Variants in NDC80 observed in about 807,000 individuals in gnomAD.
The protein encoded by NDC80 is kinetochore protein NDC80 homolog.
A neutral mutation model predicts 89.3 loss-of-function variants in NDC80; 69 were observed. The observed-to-expected ratio is 0.77, with a 90% CI of 0.64 to 0.94. NDC80 has a LOEUF of 0.94. Among genes scored for constraint, NDC80 ranks in the 40% least tolerant of loss-of-function variants. NDC80 has a pLI of 0.00. For synonymous variants in NDC80, 243 were observed against 255.6 expected, an observed-to-expected ratio of 0.95 and a Z score of 0.47; for missense variants, 593 against 739.6, an observed-to-expected ratio of 0.80 and a Z score of 2.30.
At chr18:2,582,062 G>A (rs1351538219) in intron 6 of NDC80, 1 of 67,516 alleles carries the variant, frequency 1.5e-5, no homozygotes, top group Non-Finnish European at 3.2e-5. Flanking sequence ...TTTTTTGTTT[G>A]TTTGTTTGTT....
chr18:2,590,452 A>C (rs556665003), intron 10 of NDC80, among the ~76,000 whole-genome samples: 4 of 152,302 alleles, frequency 2.6e-5, no homozygotes, highest in South Asian at 4.1e-4. Flanking sequence ...TGCCTCTTGC[A>C]GCTTTTAGTG....
chr18:2,601,072 C>T (rs1307788997), intron 12 of NDC80, among the ~76,000 whole-genome samples: 1 of 152,034 alleles, frequency 6.6e-6, no homozygotes, highest in Non-Finnish European at 1.5e-5. Flanking sequence ...ATACAACCTA[C>T]ATATGAATTG....
chr18:2,594,865 G>A (rs1341028311), intron 10 of NDC80: 3 of 152,158 alleles, frequency 2.0e-5, no homozygotes, highest in East Asian at 3.8e-4. Context: ...AGGGATCCTC[G>A]ATATTACAAA....
rs773351560 is a variant in NDC80 at position 2,590,005 on chromosome 18, T to C, written c.871-13T>C. 1 of 1,523,262 alleles carries C rather than the reference T, an allele frequency of 6.6e-7. No individual in the cohort carries two copies. The highest frequency in any genetic ancestry group is 8.8e-7 in the Non-Finnish European group (1 of 1,133,946). The allele number at this position is 1,523,262 out of a possible 1,614,324, so 94.4% of individuals were successfully genotyped here. On this transcript the variant is annotated splice_polypyrimidine_tract_variant and intron_variant, in intron 9 of 16. Transcript: ENST00000261597. ...ATTAAGAATAACTAAAGTTATATTC[T>C]TTTCTCTTAAAGAATCGTCTAGAGT...
At chr18:2,614,966 GGGTGAAGCAGCCGCA>G in intron 16 of NDC80, 1 of 152,376 alleles carries the variant, frequency 6.6e-6, no homozygotes, top group South Asian at 2.1e-4. Context: ...GCGGATGCTG[GGGTGAAGCAGCCGCA>G]TGCTAAGGAA....
chr18:2,588,291 G>A (rs73378229), intron 8 of NDC80, among the ~76,000 whole-genome samples: 2,738 of 152,124 alleles, frequency 0.018, 56 homozygotes, highest in South Asian at 0.044. Context: ...ATATCCCTAC[G>A]TTGTCCTTGC....
At chr18:2,598,887 TA>T in intron 11 of NDC80, 131 bp from the exon 12 acceptor site, 1 of 864,972 alleles carries the variant, frequency 1.2e-6, no homozygotes, top group Non-Finnish European at 1.7e-6. Context: ...CTCTTACTGC[TA>T]AAGATTACTG....
chr18:2,574,025 T>C (rs548867835), intron 2 of NDC80, among the ~76,000 whole-genome samples: 1 of 152,310 alleles, frequency 6.6e-6, no homozygotes, highest in African/African-American at 2.4e-5. Flanking sequence ...GCAAAAGACT[T>C]AAATCTGCAT....
chr18:2,595,644 T>C, intron 11 of NDC80, 23 bp downstream of exon 11: 1 of 1,603,392 alleles, frequency 6.2e-7, no homozygotes. Context: ...ATTTCCAGAG[T>C]GGCAACTCAT....
intron 13 of NDC80, among the ~76,000 whole-genome samples, chr18:2,601,945 T>C (rs905844042): frequency 2.6e-5 from 4 of 152,152 alleles, no homozygotes; most frequent in African/African-American, 9.6e-5. Flanking sequence ...CAAAAGTGAA[T>C]TTCAGGTAGT....
intron 5 of NDC80, 25 bp from the exon 6 acceptor site, chr18:2,578,902 C>A: frequency 1.5e-6 from 2 of 1,292,084 alleles, no homozygotes; most frequent in Non-Finnish European, 1.0e-6. Flanking sequence ...ATTAAATTAG[C>A]TTATGTTTTT....
chr18:2,575,171 A>G (rs2072540029), intron 3 of NDC80, 105 bp downstream of exon 3: 1 of 820,900 alleles, frequency 1.2e-6, no homozygotes, highest in African/African-American at 1.7e-5. Flanking sequence ...TCGAGAGAAA[A>G]GTTATAATCT....
chr18:2,578,194 C>T (rs1833174854), intron 5 of NDC80, 53 bp downstream of exon 5: 2 of 1,481,954 alleles, frequency 1.3e-6, no homozygotes, highest in South Asian at 2.5e-5. Context: ...AGAGATGAAA[C>T]AAATTAAATC....
At chr18:2,612,398 C>T (rs998015630) in intron 16 of NDC80, among the ~76,000 whole-genome samples, 2 of 147,022 alleles carry the variant, frequency 1.4e-5, no homozygotes, top group Non-Finnish European at 3.0e-5. Flanking sequence ...AAGGGATTCT[C>T]CTGCCTCAGC....
At chr18:2,600,206 A>G (rs1262296378) in intron 12 of NDC80, among the ~76,000 whole-genome samples, 1 of 152,250 alleles carries the variant, frequency 6.6e-6, no homozygotes, top group Non-Finnish European at 1.5e-5. Flanking sequence ...CTCGAGGAGA[A>G]ATTTTGATTT....
In NDC80 at chr18:2,585,199, T is replaced by G; in HGVS notation, c.666T>G (p.Asn222Lys). ...AAACTGAAGATGGAATTATGCATAA[T>G]AAGGTACCATGTATTATCATAAACT... is the stretch of plus-strand genomic sequence containing the variant. The part of the protein sequence containing the change: ...GEETEDGIMH[N>K]KLFLDYTIKC... The change falls in exon 7 of 17, where the codon AAT (asparagine) becomes AAG (lysine). Residue 222 changes from asparagine to lysine, a missense_variant. Transcript: ENST00000261597. 6.2e-7 allele frequency: 1 copy of G among 1,602,828 alleles called. No individual in the cohort carries two copies. Among genetic ancestry groups the G allele is most frequent in the Non-Finnish European group, 8.5e-7 (1 of 1,170,182 alleles).
At chr18:2,596,561 C>G (rs1052524405) in intron 11 of NDC80, among the ~76,000 whole-genome samples, 35 of 148,826 alleles carry the variant, frequency 2.4e-4, no homozygotes, top group African/African-American at 8.4e-4. Context: ...AATAGGAACA[C>G]TTTGACACTG....
At chr18:2,592,628 G>A (rs907407749) in intron 10 of NDC80, among the ~76,000 whole-genome samples, 28 of 151,890 alleles carry the variant, frequency 1.8e-4, no homozygotes, top group Non-Finnish European at 3.7e-4. Context: ...CAAAGTGCTG[G>A]GGTTACAGGC....
chr18:2,614,834 TGGTTAAGATGA>T (rs1225653496), intron 16 of NDC80: 1 of 152,826 alleles, frequency 6.5e-6, no homozygotes, highest in Admixed American at 6.5e-5. Context: ...CAAATGCGGT[TGGTTAAGATGA>T]GGTCATGTTG....
Sources: gnomAD v4.1 joint callset for allele counts (sites outside exome capture counted in the v4.1 genomes callset) on GRCh38, gnomAD v4.1.1 for gene constraint, MANE v1.5 for transcripts, NCBI Gene and HGNC (gene_info 2026-07-23, HGNC 2026-07-21) for gene names.